DHX35: variants seen among roughly 807,000 people sequenced by gnomAD.
DHX35 encodes DEAH-box helicase 35.
In DHX35, 84 loss-of-function variants were observed where a neutral mutation model predicts 99.6. That is an observed-to-expected ratio of 0.84 (90% CI 0.71 to 1.01). The LOEUF is 1.01. Ranked by LOEUF, DHX35 falls within the 50% of genes least tolerant of loss-of-function variation. The pLI is 0.00. For missense variants in DHX35, 852 were observed against 888.5 expected (o/e 0.96, Z 0.52); for synonymous variants, 331 against 316.2 (o/e 1.05, Z -0.50).
At chr20:38,976,729 C>T (rs886826012) in intron 3 of DHX35, among the ~76,000 whole-genome samples, 6 of 152,060 alleles carry the variant, frequency 3.9e-5, no homozygotes, top group African/African-American at 7.2e-5. Flanking sequence ...GCTTGTTGAC[C>T]AACCTTTTAT....
At chr20:38,979,936 T>G (rs1158510389) in intron 3 of DHX35, among the ~76,000 whole-genome samples, 3 of 152,074 alleles carry the variant, frequency 2.0e-5, no homozygotes, top group Non-Finnish European at 4.4e-5. Context: ...TTGGTGGAGT[T>G]CTTCCTAATT....
At chr20:38,977,855 A>G (rs2086105970) in intron 3 of DHX35, 4 of 563,878 alleles carry the variant, frequency 7.1e-6, no homozygotes, top group Admixed American at 5.8e-5. Flanking sequence ...ACTTTTGTGC[A>G]TTTTTTGGCT....
At chr20:39,036,258 T>G (rs2087148844) in intron 21 of DHX35, among the ~76,000 whole-genome samples, 1 of 152,224 alleles carries the variant, frequency 6.6e-6, no homozygotes, top group Non-Finnish European at 1.5e-5. Flanking sequence ...AATTCCAGTT[T>G]CTTTAGGTCA....
At position 38,992,379 on chromosome 20, in the gene DHX35, A is replaced by G; in HGVS notation, c.536A>G (p.His179Arg). ...AGTGTCATCATGCTGGATGAAGCCC[A>G]CGAGAGGACCTTGTACACTGACATT... ...KYSVIMLDEA[H>R]ERTLYTDIAI... The change falls in exon 7 of 22, where the codon CAC (histidine) becomes CGC (arginine). Residue 179 changes from histidine to arginine, a missense_variant. His to Arg is a conservative substitution (Grantham distance 29). Coordinates refer to ENST00000252011, the MANE Select transcript of DHX35 (RefSeq NM_021931.4). The G allele has an allele frequency of 1.2e-6, 2 of 1,614,118 alleles. No homozygotes were observed. The highest frequency in any genetic ancestry group is 8.5e-7 in the Non-Finnish European group (1 of 1,179,990).
intron 8 of DHX35, among the ~76,000 whole-genome samples, chr20:38,996,586 GTC>G (rs2086432990): frequency 6.6e-6 from 1 of 152,198 alleles, no homozygotes; most frequent in African/African-American, 2.4e-5. Flanking sequence ...TAGATATGGA[GTC>G]TCTAGTAAGG....
At position 38,972,628 on chromosome 20, in the gene DHX35, G is replaced by A. The variant is rs1235080496; in HGVS notation, c.244G>A (p.Gly82Arg). 2 of 1,612,142 alleles carry A rather than the reference G, an allele frequency of 1.2e-6. No homozygotes were observed. The highest frequency in any genetic ancestry group is 1.7e-6 in the Non-Finnish European group (2 of 1,178,438). ...TVVIVGETGC[G>R]KSTQIPQYLA... ...GGTGATTGTTGGTGAAACAGGATGT[G>A]GGAAGAGCACACAGATTCCTCAGGT... Residue 82 changes from glycine (G) to arginine (R), a missense_variant, in exon 3 of 22, where the codon GGG (glycine) becomes AGG (arginine). Gly to Arg is a moderately radical substitution (Grantham distance 125). Transcript: ENST00000252011.
At chr20:38,972,310 C>T (rs2086014274) in intron 2 of DHX35, among the ~76,000 whole-genome samples, 1 of 147,190 alleles carries the variant, frequency 6.8e-6, no homozygotes, top group South Asian at 2.1e-4. Context: ...CTCACCCGGC[C>T]TATAATTTCT....
At chr20:39,008,031 T>C (rs1348904701) in intron 12 of DHX35, among the ~76,000 whole-genome samples, 1 of 152,216 alleles carries the variant, frequency 6.6e-6, no homozygotes, top group Admixed American at 6.5e-5. Context: ...TCCCTTATGC[T>C]TTAAGCAGTT....
chr20:39,006,009 C>G (rs2086609585), intron 11 of DHX35, 137 bp from the exon 12 acceptor site: 1 of 995,018 alleles, frequency 1.0e-6, no homozygotes, highest in South Asian at 1.6e-5. Flanking sequence ...TGGAAACTCA[C>G]AGTCTTTCTA....
rs778425763 is a variant in DHX35 at position 39,021,908 on chromosome 20, G to A, written c.1566G>A (p.Val522=). The change falls in exon 16 of 22, where the codon GTG becomes GTA. Residue 522 remains valine (V), a synonymous_variant. Transcript: ENST00000252011. ...AAMMQIQNIF[V]VPPNQKSHAI... is the part of the protein sequence containing the mutation. ...TGATGCAGATCCAGAATATCTTTGT[G>A]GTCCCCCCAAACCAGAAGTCTCACG... is the stretch of plus-strand genomic sequence containing the variant. 2.5e-6 allele frequency: 4 copies of A among 1,613,962 alleles called. No homozygotes were observed. The East Asian group carries it at 6.7e-5, about 27-fold the overall frequency.
intron 11 of DHX35, among the ~76,000 whole-genome samples, chr20:39,005,320 C>T (rs1436943617): frequency 6.6e-6 from 1 of 152,134 alleles, no homozygotes; most frequent in Non-Finnish European, 1.5e-5. Context: ...ATCTGCCTCC[C>T]TCTGCAACCT....
chr20:38,993,850 G>C (rs1325871695), intron 7 of DHX35, among the ~76,000 whole-genome samples: 1 of 152,136 alleles, frequency 6.6e-6, no homozygotes, highest in African/African-American at 2.4e-5. Flanking sequence ...GCTTAAGTAA[G>C]ATAGCAAAAA....
chr20:39,030,397 G>A, intron 19 of DHX35: 2 of 332,698 alleles, frequency 6.0e-6, no homozygotes, highest in Non-Finnish European at 1.1e-5. Flanking sequence ...AAAGGAAATT[G>A]TTTTGAAAGA....
chr20:38,969,172 C>T lies in DHX35; in HGVS notation c.132C>T (p.Ala44=), dbSNP rs563952535. 6.2e-7 allele frequency: 1 copy of T among 1,613,400 alleles called. No homozygotes were observed. Among genetic ancestry groups the T allele is most frequent in the East Asian group, 2.2e-5 (1 of 44,872 alleles). Residue 44 remains alanine, a synonymous_variant, in exon 2 of 22, where the codon GCC becomes GCT. Transcript: ENST00000252011. ...CGGTTGTTTACAACCCTTATGCTGC[C>T]CTTTCCATAGAGCAGCAGAGGCAGA... ...GTTVVYNPYA[A]LSIEQQRQKL...
intron 17 of DHX35, 91 bp from the exon 18 acceptor site, chr20:39,025,139 A>T (rs1478374847): frequency 7.0e-7 from 1 of 1,430,440 alleles, no homozygotes; most frequent in East Asian, 2.4e-5. Flanking sequence ...TGAACAGCAC[A>T]TGGGGGAAGA....
At chr20:39,011,493 G>A (rs1299800672) in intron 13 of DHX35, among the ~76,000 whole-genome samples, 1 of 151,994 alleles carries the variant, frequency 6.6e-6, no homozygotes, top group East Asian at 1.9e-4. Context: ...GTGCCACCAC[G>A]CCTGGCTAAT....
Position 38,969,068 on chromosome 20 carries a change from AT to A in DHX35, c.41-10del, listed in dbSNP as rs1267968625. ...GTATCAGAGAATCTGAAAAAAAAAC[AT>A]TTCTGCTGCAGGTACAGAGGGGCCA... On this transcript the variant is annotated splice_polypyrimidine_tract_variant and intron_variant, in intron 1 of 21. Transcript: ENST00000252011. 4 of 1,577,528 alleles carry A rather than the reference AT, an allele frequency of 2.5e-6. No homozygotes were observed. In the East Asian group the frequency reaches 9.0e-5, roughly 35 times the overall value.
chr20:38,966,169 A>T (rs1178246895), intron 1 of DHX35, among the ~76,000 whole-genome samples: 1 of 152,234 alleles, frequency 6.6e-6, no homozygotes, highest in Non-Finnish European at 1.5e-5. Context: ...CCTTGTTAAG[A>T]TAGGGAAATG....
At chr20:39,013,996 G>A (rs1190660515) in intron 13 of DHX35, among the ~76,000 whole-genome samples, 1 of 152,188 alleles carries the variant, frequency 6.6e-6, no homozygotes, top group Non-Finnish European at 1.5e-5. Context: ...GCCACCAACT[G>A]CCTATATGAC....
Sources: allele counts gnomAD v4.1 joint callset (sites outside exome capture counted in the v4.1 genomes callset), GRCh38; gene constraint gnomAD v4.1.1; transcripts MANE v1.5; gene names NCBI Gene and HGNC (gene_info 2026-07-23, HGNC 2026-07-21).